PHACTR2: variants seen among roughly 807,000 people sequenced by gnomAD.
The protein encoded by PHACTR2 is chromosome 6 open reading frame 56.
PHACTR2 carries 30 observed loss-of-function variants against 76.0 expected under a neutral mutation model. That is an observed-to-expected ratio of 0.39 (90% CI 0.30 to 0.54). The LOEUF (loss-of-function observed/expected upper bound fraction) is 0.54. Ranked by LOEUF, PHACTR2 falls within the 20% of genes least tolerant of loss-of-function variation. The probability of loss-of-function intolerance (pLI) is 0.61; values close to 1 mark genes in which losing one functional copy is unlikely to be tolerated. For missense variants in PHACTR2, 696 were observed against 781.1 expected (o/e 0.89, Z 1.30); for synonymous variants, 292 against 292.5 (o/e 1.00, Z 0.02).
Position 143,655,495 on chromosome 6 carries a change from T to C in PHACTR2, c.13+47173T>C, listed in dbSNP as rs376410435. Among the ~76,000 whole-genome samples, 4 of 152,244 alleles carry C rather than the reference T, an allele frequency of 2.6e-5. No individual in the cohort carries two copies. The East Asian group carries it at 5.8e-4, about 22-fold the overall frequency. On this transcript the variant is annotated intron_variant, in intron 1 of 11. Transcript: ENST00000305766. ...GTGGATTATATTTCAATAAAGAAGA[T>C]ATTTAAAAATCACAAAATATAGATG... is the stretch of plus-strand genomic sequence containing the variant.
rs1330237262 is a variant in PHACTR2, at chr6:143,819,624, G to C, written c.1923-4050G>C. Among the ~76,000 whole-genome samples the C allele has an allele frequency of 2.6e-5, 4 of 152,126 alleles. No individual in the cohort carries two copies. Among genetic ancestry groups the C allele is most frequent in the African/African-American group, 4.8e-5 (2 of 41,416 alleles). On this transcript the variant is annotated intron_variant, in intron 12 of 12. Coordinates refer to ENST00000440869, the MANE Select transcript of PHACTR2 (RefSeq NM_001100164.2). The surrounding 1 kb of genome is among the most constrained non-coding windows in gnomAD (Gnocchi z 5.0). ...TGTAAGTTCTGGAGTACAAAGGGTG[G>C]GGAGCCTGGAGTTGTTGTTCAAGGA...
At chr6:143,694,896 G>T (rs1562272796) in intron 1 of PHACTR2, among the ~76,000 whole-genome samples, 2 of 152,168 alleles carry the variant, frequency 1.3e-5, no homozygotes, top group Non-Finnish European at 2.9e-5. Context: ...TTTAACTGGT[G>T]CAGTCAGTTT....
rs373324425 is a variant in PHACTR2 at position 143,683,140 on chromosome 6, G to A, written c.46+4931G>A. On this transcript the variant is annotated intron_variant, in intron 1 of 12. Transcript: ENST00000440869. This position sits in a 1 kb window ranked among gnomAD's most constrained non-coding sequence, Gnocchi z 4.1. Reference sequence around the variant, plus strand: ...ATTATTTCTAAGTACAGGCTAAAACGATATGCCCTCAAATAGGATGGTTTC... The same window carrying A: ...ATTATTTCTAAGTACAGGCTAAAACAATATGCCCTCAAATAGGATGGTTTC... 7.6e-4 allele frequency among the ~76,000 whole-genome samples: 115 copies of A among 152,278 alleles called. 1 individual carries two copies. In the South Asian group the frequency reaches 0.016, roughly 21 times the overall value.
rs1482676399 is a variant in PHACTR2, at chr6:143,595,074, GT to G, written c.217+57871del. ...TTTTTCTGTTAGATCTTCAAACCAG[GT>G]TTTAGAAGCAAGACAATTTTAGATT... On this transcript the variant is annotated intron_variant, in intron 1 of 11. Coordinates refer to the PHACTR2 transcript ENST00000367584. The surrounding 1 kb of genome is among the most constrained non-coding windows in gnomAD (Gnocchi z 4.2). 6.6e-6 allele frequency among the ~76,000 whole-genome samples: 1 copy of G among 152,144 alleles called. No homozygotes were observed. The highest frequency in any genetic ancestry group is 1.5e-5 in the Non-Finnish European group (1 of 68,018).
intron 1 of PHACTR2, among the ~76,000 whole-genome samples, chr6:143,637,558 A>G (rs1257109137): frequency 2.0e-5 from 3 of 152,224 alleles, no homozygotes; most frequent in African/African-American, 7.2e-5. Context: ...TAACTATGTC[A>G]CAGCTTGTAT....
At chr6:143,736,230 T>C (rs1778815953) in intron 2 of PHACTR2, among the ~76,000 whole-genome samples, 1 of 152,186 alleles carries the variant, frequency 6.6e-6, no homozygotes. Context: ...GCCTGCAATC[T>C]TCTCAGTTAC....
rs1306419609 is a variant in PHACTR2 at position 143,664,359 on chromosome 6, G to T, written c.14-47657G>T. On this transcript the variant is annotated intron_variant, in intron 1 of 11. Transcript: ENST00000305766. The surrounding 1 kb of genome is among the most constrained non-coding windows in gnomAD (Gnocchi z 5.1). Reference sequence around the variant, plus strand: ...TGTTTCTGCTGCTCACAATTTTTTAGTCTTTGTCATTAGATAAGAAAGCTT... The same window carrying T: ...TGTTTCTGCTGCTCACAATTTTTTATTCTTTGTCATTAGATAAGAAAGCTT... 6.6e-6 allele frequency among the ~76,000 whole-genome samples: 1 copy of T among 152,062 alleles called. No individual in the cohort carries two copies. The highest frequency in any genetic ancestry group is 1.5e-5 in the Non-Finnish European group (1 of 67,982).
At chr6:143,771,142 ATGTATATATATATATG>A (rs1775094229) in intron 6 of PHACTR2, among the ~76,000 whole-genome samples, 1 of 32,160 alleles carries the variant, frequency 3.1e-5, no homozygotes, top group Non-Finnish European at 6.3e-5. Context: ...ATATATATAT[ATGTATATATATATATG>A]TATATATATA....
At chr6:143,660,606 A>G (rs1360129620) in intron 1 of PHACTR2, among the ~76,000 whole-genome samples, 3 of 152,200 alleles carry the variant, frequency 2.0e-5, no homozygotes, top group East Asian at 1.9e-4. Context: ...GTATAAAACA[A>G]ATACCTACTG....
chr6:143,778,645 A>G (rs923721345), intron 9 of PHACTR2, among the ~76,000 whole-genome samples: 5 of 152,192 alleles, frequency 3.3e-5, no homozygotes, highest in Non-Finnish European at 7.4e-5. Context: ...TTGACACAAA[A>G]CAAACCAAAA....
intron 6 of PHACTR2, among the ~76,000 whole-genome samples, chr6:143,770,835 A>G (rs1775082454): frequency 6.6e-6 from 1 of 151,458 alleles, no homozygotes; most frequent in Admixed American, 6.6e-5. Context: ...TTGTACATTA[A>G]TAGTAACTCT....
chr6:143,794,318 T>C lies in PHACTR2; in HGVS notation c.1845+5408T>C, dbSNP rs1775779648. On this transcript the variant is annotated intron_variant, in intron 11 of 12. Coordinates refer to ENST00000440869, the MANE Select transcript of PHACTR2 (RefSeq NM_001100164.2). This position sits in a 1 kb window ranked among gnomAD's most constrained non-coding sequence, Gnocchi z 4.1. Reference sequence around the variant, plus strand: ...TTTGTTGCTTTTTACCTTAAAACATTTTATAATATATTATTTATTATATAT... The same window carrying C: ...TTTGTTGCTTTTTACCTTAAAACATCTTATAATATATTATTTATTATATAT... Among the ~76,000 whole-genome samples the C allele has an allele frequency of 6.6e-6, 1 of 150,692 alleles. No individual in the cohort carries two copies. The highest frequency in any genetic ancestry group is 1.9e-4 in the East Asian group (1 of 5,184).
intron 1 of PHACTR2, among the ~76,000 whole-genome samples, chr6:143,555,794 C>T (rs771517057): frequency 5.3e-5 from 8 of 151,946 alleles, no homozygotes; most frequent in South Asian, 2.1e-4. Flanking sequence ...GAAATGTTGA[C>T]GCTACCACCT....
chr6:143,574,090 A>C (rs2128432060), intron 1 of PHACTR2, among the ~76,000 whole-genome samples: 1 of 152,278 alleles, frequency 6.6e-6, no homozygotes, highest in South Asian at 2.1e-4. Flanking sequence ...CTGGGGAAGA[A>C]TTTATTTTAA....
At chr6:143,797,532 T>A (rs1775853447) in intron 11 of PHACTR2, among the ~76,000 whole-genome samples, 1 of 152,198 alleles carries the variant, frequency 6.6e-6, no homozygotes, top group Non-Finnish European at 1.5e-5. Context: ...CTTCTAGGAT[T>A]TTTATGGTCC....
At chr6:143,737,739 G>C (rs543737834) in intron 2 of PHACTR2, among the ~76,000 whole-genome samples, 52 of 152,262 alleles carry the variant, frequency 3.4e-4, no homozygotes, top group Non-Finnish European at 5.6e-4. Context: ...AAAAACTTCA[G>C]TTGAAACTAC....
intron 1 of PHACTR2, among the ~76,000 whole-genome samples, chr6:143,636,974 A>G (rs1776465885): frequency 6.6e-6 from 1 of 152,254 alleles, no homozygotes; most frequent in Admixed American, 6.5e-5. Context: ...CCTTGGGCAC[A>G]TGGCCACATG....
At chr6:143,687,065 T>A (rs914794634) in intron 1 of PHACTR2, among the ~76,000 whole-genome samples, 2 of 152,224 alleles carry the variant, frequency 1.3e-5, no homozygotes, top group African/African-American at 4.8e-5. Flanking sequence ...ATTGTTTTTT[T>A]AGTCTGTTCG....
intron 1 of PHACTR2, among the ~76,000 whole-genome samples, chr6:143,681,865 G>A (rs535756227): frequency 6.6e-6 from 1 of 152,114 alleles, no homozygotes; most frequent in Non-Finnish European, 1.5e-5. Context: ...GTGTTCCACC[G>A]TTGCCAAAAA....
Sources: gnomAD v4.1 joint callset for allele counts (sites outside exome capture counted in the v4.1 genomes callset) on GRCh38, gnomAD v4.1.1 for gene constraint, Gnocchi (gnomAD v3.1) non-coding constraint, MANE v1.5 for transcripts, NCBI Gene and HGNC (gene_info 2026-07-23, HGNC 2026-07-21) for gene names.